Variants in PLEKHD1 observed in about 807,000 individuals in gnomAD.
The protein encoded by PLEKHD1 is pleckstrin homology domain-containing family D member 1.
A neutral mutation model predicts 69.2 loss-of-function variants in PLEKHD1; 51 were observed. The ratio of observed to expected loss-of-function variants is 0.74; its 90% CI spans 0.59 to 0.93. The LOEUF (loss-of-function observed/expected upper bound fraction) is 0.93, where lower values mean the gene tolerates loss of function less well. Ranked by LOEUF, PLEKHD1 falls within the 40% of genes least tolerant of loss-of-function variation. PLEKHD1 has a pLI of 0.00. For synonymous variants in PLEKHD1, 236 were observed against 244.7 expected, an observed-to-expected ratio of 0.96 and a Z score of 0.33; for missense variants, 584 against 641.0, an observed-to-expected ratio of 0.91 and a Z score of 0.96.
chr14:69,470,877 C>T, the PLEKHD1 span, among the ~76,000 whole-genome samples: 15 of 151,906 alleles, frequency 9.9e-5, no homozygotes, highest in East Asian at 2.3e-3. Context: ...CTGCAAGCTC[C>T]GCCTCCCAGG....
At chr14:69,500,758 G>T (rs1883005999) in intron 3 of PLEKHD1, 92 bp downstream of exon 3, 1 of 1,523,188 alleles carries the variant, frequency 6.6e-7, no homozygotes, top group Non-Finnish European at 8.9e-7. Context: ...CCTGGCCTGG[G>T]AGAGGGGCAT....
At position 69,507,180 on chromosome 14, in the gene PLEKHD1, G is replaced by A. The variant is rs986382656; in HGVS notation, c.555+4301G>A. On this transcript the variant is annotated intron_variant, in intron 6 of 12. Coordinates refer to ENST00000322564, the MANE Select transcript of PLEKHD1 (RefSeq NM_001161498.2). ...GCTGGGATTACAGGCATGAGCCACC[G>A]TGCCCAGCCACTGCTGATCTTTTTA... 5.3e-5 allele frequency among the ~76,000 whole-genome samples: 8 copies of A among 152,120 alleles called. No individual in the cohort carries two copies. In the East Asian group the frequency reaches 1.5e-3, roughly 29 times the overall value.
At chr14:69,498,981 G>A (rs1882959572) in intron 1 of PLEKHD1, among the ~76,000 whole-genome samples, 1 of 152,074 alleles carries the variant, frequency 6.6e-6, no homozygotes, top group African/African-American at 2.4e-5. Context: ...CCCCTCACAA[G>A]AGGGCCCATT....
intron 2 of PLEKHD1, 25 bp from the exon 3 acceptor site, chr14:69,500,552 G>A (rs752129184): frequency 8.5e-6 from 13 of 1,532,230 alleles, no homozygotes; most frequent in Middle Eastern, 1.7e-4. Context: ...TGGGGTGGGG[G>A]CTGCCTGTTC....
At chr14:69,481,006 C>T (rs1882532273), upstream of PLEKHD1, among the ~76,000 whole-genome samples, 1 of 152,168 alleles carries the variant, frequency 6.6e-6, no homozygotes. Context: ...CATTTCCTTA[C>T]CATGGGCTAG....
At chr14:69,493,941 C>T (rs574886205) in intron 1 of PLEKHD1, among the ~76,000 whole-genome samples, 13 of 152,166 alleles carry the variant, frequency 8.5e-5, no homozygotes, top group African/African-American at 3.1e-4. Flanking sequence ...ACACGGGGGG[C>T]AGGGGGAAGC....
intron 6 of PLEKHD1, among the ~76,000 whole-genome samples, chr14:69,508,499 T>C (rs780683093): frequency 8.5e-5 from 13 of 152,222 alleles, no homozygotes; most frequent in Non-Finnish European, 1.8e-4. Context: ...CGGTTAACTG[T>C]AGCCTCCCAG....
At chr14:69,496,656 C>T (rs998878846) in intron 1 of PLEKHD1, among the ~76,000 whole-genome samples, 41 of 151,562 alleles carry the variant, frequency 2.7e-4, no homozygotes, top group African/African-American at 9.5e-4. Context: ...TCCTCTCACT[C>T]AGCCTCCTGG....
rs1474991463 is a variant in PLEKHD1 at position 69,528,351 on chromosome 14, G to A, written c.1453G>A (p.Glu485Lys). 2.6e-6 allele frequency: 4 copies of A among 1,551,682 alleles called. No individual in the cohort carries two copies. In the Admixed American group the frequency reaches 7.8e-5, roughly 30 times the overall value. ...GCTCAGCAGGGACCAGCGCTTCCGGGAATCCATCTACCACATCATGGCCAC... is the reference window on the plus strand; with the variant it reads ...GCTCAGCAGGGACCAGCGCTTCCGGAAATCCATCTACCACATCATGGCCAC... Reference protein sequence around the residue: ...KRLSRDQRFRESIYHIMATQP... With the variant: ...KRLSRDQRFRKSIYHIMATQP... The change falls in exon 13 of 13, where the codon GAA (glutamate) becomes AAA (lysine). Residue 485 changes from glutamate to lysine, a missense_variant. Coordinates refer to ENST00000322564, the MANE Select transcript of PLEKHD1 (RefSeq NM_001161498.2).
rs979568905 is a variant in PLEKHD1 at position 69,528,651 on chromosome 14, C to T, written c.*232C>T. 3.4e-6 allele frequency: 2 copies of T among 590,852 alleles called. No homozygotes were observed. Among genetic ancestry groups the T allele is most frequent in the Non-Finnish European group, 5.9e-6 (2 of 339,650 alleles). The allele number at this position is 590,852 out of a possible 1,614,324, so 36.6% of individuals were successfully genotyped here. A position where few individuals can be genotyped will look rare whatever the true frequency, so the allele number is the denominator to read the frequency against. ...TGGGTCCACACCAGGGCCATGCAGG[C>T]CTGAGCTGGGTGCTGGTTGTCATGG... On this transcript the variant is annotated 3_prime_UTR_variant, in exon 13 of 13. Coordinates refer to ENST00000322564, the MANE Select transcript of PLEKHD1 (RefSeq NM_001161498.2).
At chr14:69,524,972 C>T (rs1424200518) in intron 8 of PLEKHD1, among the ~76,000 whole-genome samples, 1 of 152,162 alleles carries the variant, frequency 6.6e-6, no homozygotes, top group Non-Finnish European at 1.5e-5. Context: ...TACCTTTTCC[C>T]ACACTGTTCC....
intron 1 of PLEKHD1, among the ~76,000 whole-genome samples, chr14:69,498,052 ATTTTATTTAT>A (rs1483654894): frequency 2.0e-4 from 27 of 136,142 alleles, no homozygotes; most frequent in Middle Eastern, 3.7e-3. Context: ...ATTTTATTTT[ATTTTATTTAT>A]TTTATTTTAT....
At chr14:69,512,834 G>A (rs568785661) in intron 6 of PLEKHD1, among the ~76,000 whole-genome samples, 6 of 151,876 alleles carry the variant, frequency 4.0e-5, no homozygotes, top group African/African-American at 1.5e-4. Flanking sequence ...AGCCAAGGCA[G>A]GAGGATTGCT....
intron 6 of PLEKHD1, among the ~76,000 whole-genome samples, chr14:69,506,964 G>A (rs113321355): frequency 1.4e-5 from 2 of 143,646 alleles, no homozygotes; most frequent in Non-Finnish European, 3.0e-5. Context: ...GTGCAGTGGC[G>A]CGATCTCGGC....
chr14:69,501,977 G>A (rs1169826798), intron 5 of PLEKHD1, 152 bp downstream of exon 5: 1 of 615,294 alleles, frequency 1.6e-6, no homozygotes, highest in African/African-American at 1.9e-5. Flanking sequence ...GGGCTTCCTG[G>A]TACACTACGC....
At chr14:69,522,114 A>G (rs1381973155) in intron 6 of PLEKHD1, among the ~76,000 whole-genome samples, 169 bp from the exon 7 acceptor site, 2 of 152,174 alleles carry the variant, frequency 1.3e-5, no homozygotes, top group African/African-American at 2.4e-5. Flanking sequence ...TCAGGACTAC[A>G]TATCAATGAG....
chr14:69,468,382 A>G, the PLEKHD1 span, among the ~76,000 whole-genome samples: 1 of 152,220 alleles, frequency 6.6e-6, no homozygotes, highest in African/African-American at 2.4e-5. Flanking sequence ...ATAGTGAAAA[A>G]GAAGGGCAGA....
upstream of PLEKHD1, among the ~76,000 whole-genome samples, chr14:69,482,671 C>T (rs1420828632): frequency 2.0e-5 from 3 of 152,172 alleles, no homozygotes; most frequent in African/African-American, 7.2e-5. Context: ...AAGTGCAAGC[C>T]TGTGTATGCT....
rs573380106 is a variant in PLEKHD1, at chr14:69,500,510, G to T, written c.244-67G>T. The T allele has an allele frequency of 1.0e-3, 1,362 of 1,365,872 alleles. 1 individual carries two copies. The highest frequency in any genetic ancestry group is 1.3e-3 in the Non-Finnish European group (1,307 of 1,010,524). 84.6% of individuals were successfully genotyped at this position (1,365,872 alleles called of 1,614,324 possible). ...TGGCAGGAACTGGCTTTGTCCAGGG[G>T]CCCCCAGAACCCCTGAGTGACCCCA... On this transcript the variant is annotated intron_variant, in intron 2 of 12. Coordinates refer to ENST00000322564, the MANE Select transcript of PLEKHD1 (RefSeq NM_001161498.2).
Sources: gnomAD v4.1 joint callset for allele counts (sites outside exome capture counted in the v4.1 genomes callset) on GRCh38, gnomAD v4.1.1 for gene constraint, MANE v1.5 for transcripts, NCBI Gene and HGNC (gene_info 2026-07-23, HGNC 2026-07-21) for gene names.